The following RPH3A variants were observed in gnomAD, a reference collection of about 807,000 sequenced individuals.
The protein encoded by RPH3A is rabphilin 3A.
In RPH3A, 48 loss-of-function variants were observed where a neutral mutation model predicts 102.2. That is an observed-to-expected ratio of 0.47 (90% CI 0.37 to 0.60). The LOEUF (loss-of-function observed/expected upper bound fraction) is 0.60. Ranked by LOEUF, RPH3A falls within the 20% of genes least tolerant of loss-of-function variation. The probability of loss-of-function intolerance (pLI) is 0.00; values close to 1 mark genes in which losing one functional copy is unlikely to be tolerated. For missense variants in RPH3A, 781 were observed against 910.1 expected (o/e 0.86, Z 1.83); for synonymous variants, 310 against 324.3 (o/e 0.96, Z 0.47).
At chr12:112,881,750 C>A in intron 14 of RPH3A, 22 bp from the exon 15 acceptor site, 1 of 1,591,618 alleles carries the variant, frequency 6.3e-7, no homozygotes, top group Admixed American at 1.7e-5. Flanking sequence ...GGCCCTCACA[C>A]CATTGCCTCC....
chr12:112,855,818 G>C (rs1311256445), intron 5 of RPH3A, among the ~76,000 whole-genome samples: 1 of 152,076 alleles, frequency 6.6e-6, no homozygotes, highest in Non-Finnish European at 1.5e-5. Context: ...CCCCCTACTT[G>C]GCAATTAGGG....
At chr12:112,816,251 G>T (rs1225537607) in intron 2 of RPH3A, among the ~76,000 whole-genome samples, 1 of 152,174 alleles carries the variant, frequency 6.6e-6, no homozygotes, top group South Asian at 2.1e-4. Flanking sequence ...GTAAAAGTGG[G>T]TCATGTAAGA....
chr12:112,683,602 C>G (rs899103686), intron 1 of RPH3A, among the ~76,000 whole-genome samples: 2 of 152,156 alleles, frequency 1.3e-5, no homozygotes, highest in Admixed American at 1.3e-4. Context: ...CTGCTGTGTG[C>G]AACTGGAGCT....
intron 1 of RPH3A, among the ~76,000 whole-genome samples, chr12:112,662,958 C>G (rs929053434): frequency 1.3e-5 from 2 of 151,594 alleles, no homozygotes; most frequent in African/African-American, 2.4e-5. Context: ...GAAGAAGTAT[C>G]CTTTCCACTG....
chr12:112,709,112 G>T (rs2040443590), intron 1 of RPH3A, among the ~76,000 whole-genome samples: 1 of 152,154 alleles, frequency 6.6e-6, no homozygotes, highest in African/African-American at 2.4e-5. Flanking sequence ...TATGGCAAAG[G>T]TGACAAGTGA....
chr12:112,875,762 A>T (rs930079413), intron 12 of RPH3A, 21 bp downstream of exon 12: 1 of 1,612,598 alleles, frequency 6.2e-7, no homozygotes, highest in Non-Finnish European at 8.5e-7. Flanking sequence ...GCTTCCTCCC[A>T]TGCCTGCCCA....
chr12:112,815,937 G>A (rs1244086822), intron 2 of RPH3A, among the ~76,000 whole-genome samples: 1 of 152,168 alleles, frequency 6.6e-6, no homozygotes, highest in African/African-American at 2.4e-5. Flanking sequence ...TAATTGGCTG[G>A]ACCATGCAGG....
At chr12:112,683,699 T>G (rs1306650640) in intron 1 of RPH3A, among the ~76,000 whole-genome samples, 1 of 152,170 alleles carries the variant, frequency 6.6e-6, no homozygotes. Flanking sequence ...GGGCAATTAT[T>G]TCACTGATTC....
At chr12:112,751,932 T>C (rs548909667) in intron 1 of RPH3A, among the ~76,000 whole-genome samples, 215 of 152,332 alleles carry the variant, frequency 1.4e-3, no homozygotes, top group Admixed American at 2.7e-3. Context: ...GCAAAGATGC[T>C]CTTTACATAT....
intron 1 of RPH3A, among the ~76,000 whole-genome samples, chr12:112,596,859 C>T (rs751717632): frequency 3.5e-4 from 53 of 152,128 alleles, no homozygotes; most frequent in Admixed American, 3.3e-4. Flanking sequence ...GGACATTTCT[C>T]CATTTATGTA....
chr12:112,698,054 C>T (rs2040364998), intron 1 of RPH3A, among the ~76,000 whole-genome samples: 1 of 151,888 alleles, frequency 6.6e-6, no homozygotes, highest in Non-Finnish European at 1.5e-5. Flanking sequence ...ATGTCATTGG[C>T]AAAAGGAGAG....
chr12:112,886,620 C>T (rs367917145), intron 16 of RPH3A, among the ~76,000 whole-genome samples: 1 of 152,168 alleles, frequency 6.6e-6, no homozygotes, highest in Non-Finnish European at 1.5e-5. Context: ...GTTGGAGACT[C>T]TTGTCCTAAG....
At chr12:112,851,892 C>T (rs2042329807) in intron 5 of RPH3A, among the ~76,000 whole-genome samples, 1 of 152,226 alleles carries the variant, frequency 6.6e-6, no homozygotes, top group African/African-American at 2.4e-5. Flanking sequence ...ACACTTTGCT[C>T]ACAAGAAAGG....
intron 5 of RPH3A, among the ~76,000 whole-genome samples, chr12:112,848,651 G>T (rs765346817): frequency 6.6e-6 from 1 of 152,184 alleles, no homozygotes; most frequent in Non-Finnish European, 1.5e-5. Context: ...AGGAAGGAGG[G>T]GAAAGTGGGG....
intron 1 of RPH3A, among the ~76,000 whole-genome samples, chr12:112,612,671 C>G (rs2039648088): frequency 6.7e-6 from 1 of 149,716 alleles, no homozygotes; most frequent in African/African-American, 2.5e-5. Flanking sequence ...CTCAAGTGAT[C>G]CCCCTGCCCC....
chr12:112,877,796 C>T (rs976781118), intron 13 of RPH3A, among the ~76,000 whole-genome samples: 1 of 152,196 alleles, frequency 6.6e-6, no homozygotes, highest in African/African-American at 2.4e-5. Flanking sequence ...GCTAAACACC[C>T]ACGAGGAATT....
chr12:112,715,208 C>A (rs1205947880), intron 1 of RPH3A, among the ~76,000 whole-genome samples: 1 of 152,206 alleles, frequency 6.6e-6, no homozygotes, highest in African/African-American at 2.4e-5. Context: ...CTACCTAGAG[C>A]ACCCTTTCTC....
chr12:112,832,049 C>T (rs527468165), intron 3 of RPH3A, among the ~76,000 whole-genome samples: 6 of 152,180 alleles, frequency 3.9e-5, no homozygotes, highest in South Asian at 4.2e-4. Context: ...TTCGATTCTC[C>T]CTATTTTCCC....
At chr12:112,581,333 G>A (rs896754328) in intron 1 of RPH3A, among the ~76,000 whole-genome samples, 2 of 152,102 alleles carry the variant, frequency 1.3e-5, no homozygotes, top group Admixed American at 6.5e-5. Context: ...CAGACCTCGT[G>A]AGGCTTATTC....
Sources: gnomAD v4.1 joint callset for allele counts (sites outside exome capture counted in the v4.1 genomes callset) on GRCh38, gnomAD v4.1.1 for gene constraint, MANE v1.5 for transcripts, NCBI Gene and HGNC (gene_info 2026-07-23, HGNC 2026-07-21) for gene names.